The following PTPRK variants were observed in gnomAD, a reference collection of about 807,000 sequenced individuals.
PTPRK encodes the protein protein tyrosine phosphatase receptor type K, also known as receptor-type tyrosine-protein phosphatase kappa.
In PTPRK, 75 loss-of-function variants were observed where a neutral mutation model predicts 178.0. The ratio of observed to expected loss-of-function variants is 0.42; its 90% CI spans 0.35 to 0.51. The LOEUF is 0.51. Ranked by LOEUF, PTPRK falls within the 20% of genes least tolerant of loss-of-function variation. The probability of loss-of-function intolerance (pLI) is 0.02; values close to 1 mark genes in which losing one functional copy is unlikely to be tolerated. For missense variants in PTPRK, 1,441 were observed against 1,797.8 expected (o/e 0.80, Z 3.59); for synonymous variants, 637 against 620.6 (o/e 1.03, Z -0.39).
intron 1 of PTPRK, among the ~76,000 whole-genome samples, chr6:128,516,298 A>C (rs1194681852): frequency 1.3e-5 from 2 of 152,268 alleles, no homozygotes; most frequent in African/African-American, 4.8e-5. Flanking sequence ...TCCAAACAGC[A>C]GCCAGACTCT....
At chr6:128,449,924 C>T (rs374293774) in intron 1 of PTPRK, among the ~76,000 whole-genome samples, 10 of 140,778 alleles carry the variant, frequency 7.1e-5, no homozygotes, top group East Asian at 6.0e-4. Context: ...GGTGAAGCCC[C>T]GTCTTTACTA....
intron 3 of PTPRK, among the ~76,000 whole-genome samples, chr6:128,300,399 G>A (rs1171825309): frequency 2.0e-5 from 3 of 151,916 alleles, no homozygotes; most frequent in Non-Finnish European, 4.4e-5. Flanking sequence ...TATAAATCAT[G>A]CTGCTATAAA....
chr6:128,004,680 G>T lies in PTPRK; in HGVS notation c.2494+404C>A, dbSNP rs549555587. 1.6e-4 allele frequency among the ~76,000 whole-genome samples: 25 copies of T among 151,908 alleles called. No homozygotes were observed. The South Asian group carries it at 4.1e-3, about 25-fold the overall frequency. On this transcript the variant is annotated intron_variant, in intron 15 of 29. Transcript: ENST00000368226. The stretch of plus-strand genomic sequence containing the variant: ...TACCTATGTCAATAATTCCCAAAAA[G>T]AATTACTGTTTCCTCTTATCGCAAA...
At chr6:128,438,106 C>T (rs75139581) in intron 1 of PTPRK, among the ~76,000 whole-genome samples, 6,368 of 152,318 alleles carry the variant, frequency 0.042, 170 homozygotes, top group Non-Finnish European at 0.065. Context: ...CGGCCCCACG[C>T]AGTTCAAGCC....
chr6:128,261,779 G>C (rs1159663992), intron 3 of PTPRK, among the ~76,000 whole-genome samples: 2 of 152,064 alleles, frequency 1.3e-5, no homozygotes, highest in Non-Finnish European at 2.9e-5. Context: ...TATGAATTTT[G>C]ACAAATTTGG....
Position 128,218,939 on chromosome 6 carries a change from G to C in PTPRK, c.851C>G (p.Ala284Gly). The C allele has an allele frequency of 6.2e-7, 1 of 1,612,060 alleles. No individual in the cohort carries two copies. The highest frequency in any genetic ancestry group is 2.2e-5 in the East Asian group (1 of 44,822). The change falls in exon 6 of 30, where the codon GCT (alanine) becomes GGT (glycine). Residue 284 changes from alanine to glycine, a missense_variant. Coordinates refer to ENST00000368226, the MANE Select transcript of PTPRK (RefSeq NM_002844.4). Reference protein sequence around the residue: ...SERGSGVSNFAQLIVREPPRP... With the variant: ...SERGSGVSNFGQLIVREPPRP... ...CACCTTACCTCTCACAATAAGTTGA[G>C]CAAAATTGGACACACCGGAACCTCG... is the stretch of plus-strand genomic sequence containing the variant.
At chr6:128,224,145 T>C (rs1258119394) in intron 5 of PTPRK, among the ~76,000 whole-genome samples, 1 of 152,168 alleles carries the variant, frequency 6.6e-6, no homozygotes, top group East Asian at 1.9e-4. Flanking sequence ...CTCTGAGAAG[T>C]ACTGAAAAAT....
At position 128,425,623 on chromosome 6, in the gene PTPRK, A is replaced by T. The variant is rs1844040441; in HGVS notation, c.101-27935T>A. 2.0e-5 allele frequency among the ~76,000 whole-genome samples: 3 copies of T among 152,254 alleles called. 1 individual carries two copies. The highest frequency in any genetic ancestry group is 2.0e-4 in the Admixed American group (3 of 15,290). ...CACAACTATCCCAGGTTAGACCAAC[A>T]TTACCTCAGGCTTAGTCTGCTAAAA... On this transcript the variant is annotated intron_variant, in intron 1 of 29. Transcript: ENST00000368226.
intron 1 of PTPRK, among the ~76,000 whole-genome samples, chr6:128,408,891 G>A (rs1366416194): frequency 6.6e-6 from 1 of 152,150 alleles, no homozygotes; most frequent in Non-Finnish European, 1.5e-5. Context: ...AATTCATGTG[G>A]AGAATCTAAA....
intron 3 of PTPRK, among the ~76,000 whole-genome samples, chr6:128,274,295 TCTG>T (rs1339793573): frequency 6.6e-6 from 1 of 152,288 alleles, no homozygotes; most frequent in East Asian, 1.9e-4. Flanking sequence ...GTTTACTTGC[TCTG>T]CCTAGAATTT....
At chr6:128,070,310 T>C (rs1297138710) in intron 11 of PTPRK, among the ~76,000 whole-genome samples, 1 of 152,050 alleles carries the variant, frequency 6.6e-6, no homozygotes, top group African/African-American at 2.4e-5. Context: ...CAACTGAATA[T>C]TTGTGCCCCC....
intron 21 of PTPRK, among the ~76,000 whole-genome samples, chr6:127,987,023 A>G (rs894211269): frequency 6.6e-6 from 1 of 152,150 alleles, no homozygotes; most frequent in Non-Finnish European, 1.5e-5. Flanking sequence ...AACTCTAGTG[A>G]GGAAGGTCAA....
chr6:128,223,142 T>G (rs1810706038), intron 5 of PTPRK, among the ~76,000 whole-genome samples: 1 of 151,678 alleles, frequency 6.6e-6, no homozygotes, highest in African/African-American at 2.4e-5. Context: ...AGGTAGGGTT[T>G]CATGTCTCAT....
intron 3 of PTPRK, among the ~76,000 whole-genome samples, chr6:128,274,414 G>A (rs1820398303): frequency 6.6e-6 from 1 of 151,892 alleles, no homozygotes; most frequent in South Asian, 2.1e-4. Flanking sequence ...GTCTATTATG[G>A]GCCTATGAAG....
Position 128,293,542 on chromosome 6 carries a change from C to A in PTPRK, c.495+28497G>T, listed in dbSNP as rs554287461. Reference sequence around the variant, plus strand: ...GCAATAGTGATCCTCTACTGCAGACCTCCATAAACCTTTACTCCCTTATTA... The same window carrying A: ...GCAATAGTGATCCTCTACTGCAGACATCCATAAACCTTTACTCCCTTATTA... On this transcript the variant is annotated intron_variant, in intron 3 of 29. Transcript: ENST00000368226. 2.0e-5 allele frequency among the ~76,000 whole-genome samples: 3 copies of A among 152,168 alleles called. No homozygotes were observed. In the South Asian group the frequency reaches 6.2e-4, roughly 32 times the overall value.
chr6:128,162,046 C>T (rs1473488557), intron 7 of PTPRK, among the ~76,000 whole-genome samples: 2 of 151,460 alleles, frequency 1.3e-5, no homozygotes, highest in African/African-American at 4.8e-5. Flanking sequence ...CAATTTAGAG[C>T]TTACAAGGTT....
intron 3 of PTPRK, among the ~76,000 whole-genome samples, chr6:128,294,584 T>G (rs549838769): frequency 6.6e-6 from 1 of 152,204 alleles, no homozygotes; most frequent in East Asian, 1.9e-4. Flanking sequence ...ATTTACCACA[T>G]TACAGTTTTG....
intron 2 of PTPRK, among the ~76,000 whole-genome samples, chr6:128,351,224 G>A (rs776175743): frequency 1.7e-4 from 26 of 152,072 alleles, no homozygotes; most frequent in Admixed American, 6.6e-5. Flanking sequence ...CAAAATAAGC[G>A]GTGGTGATAT....
intron 3 of PTPRK, among the ~76,000 whole-genome samples, chr6:128,256,671 C>T (rs1451960214): frequency 2.0e-5 from 3 of 151,514 alleles, no homozygotes; most frequent in East Asian, 2.0e-4. Flanking sequence ...CTCCTGACCT[C>T]GTGATCCGCC....
Sources: gnomAD v4.1 joint callset for allele counts (sites outside exome capture counted in the v4.1 genomes callset) on GRCh38, gnomAD v4.1.1 for gene constraint, MANE v1.5 for transcripts, NCBI Gene and HGNC (gene_info 2026-07-23, HGNC 2026-07-21) for gene names.